MBD5: variants seen among roughly 807,000 people sequenced by gnomAD.
MBD5 encodes methyl-CpG binding domain protein 5.
In MBD5, 13 loss-of-function variants were observed where a neutral mutation model predicts 117.3. The ratio of observed to expected loss-of-function variants is 0.11; its 90% CI spans 0.07 to 0.18. The LOEUF (loss-of-function observed/expected upper bound fraction) is 0.18. MBD5 is among the 10% of genes least tolerant of loss of function. The pLI, the probability that MBD5 is intolerant of heterozygous loss-of-function variation, is 1.00. For missense variants in MBD5, 1,879 were observed against 2,093.8 expected (o/e 0.90, Z 2.00); for synonymous variants, 727 against 766.4 (o/e 0.95, Z 0.85).
chr2:148,354,143 A>G (rs894132772), intron 4 of MBD5, among the ~76,000 whole-genome samples: 3 of 152,180 alleles, frequency 2.0e-5, no homozygotes, highest in Non-Finnish European at 4.4e-5. Flanking sequence ...TGTGCAGAAC[A>G]TGCAGATATG....
rs111860012 is a variant in MBD5 at position 148,274,804 on chromosome 2, C to A, written c.-680+41409C>A. Among the ~76,000 whole-genome samples the A allele has an allele frequency of 6.2e-3, 927 of 150,638 alleles. 10 individuals are homozygous for A. Among genetic ancestry groups the A allele is most frequent in the African/African-American group, 0.021 (868 of 41,080 alleles). On this transcript the variant is annotated intron_variant, in intron 3 of 13. Coordinates refer to ENST00000642680, the MANE Select transcript of MBD5 (RefSeq NM_001378120.1). The stretch of plus-strand genomic sequence containing the variant: ...ATGGCACGATCTCAGCTCACTGCAA[C>A]CTCCGCCTTCTGGGTTTAAGCAATT...
intron 3 of MBD5, among the ~76,000 whole-genome samples, chr2:148,256,680 G>A (rs1182176149): frequency 6.6e-6 from 1 of 152,236 alleles, no homozygotes; most frequent in Non-Finnish European, 1.5e-5. Flanking sequence ...GACTGCAACA[G>A]CGGTCCAAGC....
chr2:148,260,964 G>A (rs1476555902), intron 3 of MBD5, among the ~76,000 whole-genome samples: 2 of 152,178 alleles, frequency 1.3e-5, no homozygotes, highest in Admixed American at 6.5e-5. Context: ...GCTCTTGGAT[G>A]GCTAGGTGCA....
At chr2:148,372,625 T>C (rs1012275355) in intron 4 of MBD5, among the ~76,000 whole-genome samples, 1 of 151,910 alleles carries the variant, frequency 6.6e-6, no homozygotes, top group Admixed American at 6.6e-5. Flanking sequence ...AAGATAGTAG[T>C]GGTGAATTTG....
intron 1 of MBD5, chr2:148,025,935 A>G (rs931649288): frequency 2.0e-5 from 3 of 152,222 alleles, no homozygotes; most frequent in African/African-American, 7.2e-5. Context: ...TTTCAAAAAC[A>G]AAGAATCTTA....
At chr2:148,400,860 G>A (rs1342755867) in intron 4 of MBD5, among the ~76,000 whole-genome samples, 1 of 151,972 alleles carries the variant, frequency 6.6e-6, no homozygotes, top group East Asian at 1.9e-4. Flanking sequence ...TTCTACTTCT[G>A]CATTCATTCT....
intron 2 of MBD5, among the ~76,000 whole-genome samples, chr2:148,188,862 G>T (rs1376089465): frequency 1.3e-5 from 2 of 151,786 alleles, no homozygotes; most frequent in Non-Finnish European, 2.9e-5. Flanking sequence ...CATCTCACTA[G>T]GGAGTGCCAG....
At chr2:148,235,731 A>AT (rs1341974039) in intron 3 of MBD5, among the ~76,000 whole-genome samples, 1 of 151,678 alleles carries the variant, frequency 6.6e-6, no homozygotes, top group African/African-American at 2.4e-5. Context: ...TCAGTGTGTA[A>AT]TTGCATCATG....
At position 148,467,788 on chromosome 2, in the gene MBD5, C is replaced by T. The variant is rs183332190; in HGVS notation, c.398-553C>T. 1.1e-4 allele frequency among the ~76,000 whole-genome samples: 17 copies of T among 152,186 alleles called. No homozygotes were observed. In the South Asian group the frequency reaches 1.5e-3, roughly 13 times the overall value. The stretch of plus-strand genomic sequence containing the variant: ...AAAATGTTGGGATAAGGAAATATTA[C>T]GGTATCTGTTCTGAGAAGGTTGCAG... On this transcript the variant is annotated intron_variant, in intron 7 of 13. Coordinates refer to ENST00000642680, the MANE Select transcript of MBD5 (RefSeq NM_001378120.1).
At chr2:148,445,999 T>A (rs1559074601) in intron 4 of MBD5, among the ~76,000 whole-genome samples, 2 of 151,188 alleles carry the variant, frequency 1.3e-5, no homozygotes, top group South Asian at 4.1e-4. Context: ...TTCTTGTAAA[T>A]TTGTTTGAGT....
At chr2:148,475,390 G>A (rs1017969682) in intron 8 of MBD5, among the ~76,000 whole-genome samples, 10 of 151,776 alleles carry the variant, frequency 6.6e-5, no homozygotes, top group African/African-American at 2.2e-4. Context: ...TGTTTAAGAA[G>A]GTCTCCTAAT....
chr2:148,330,419 A>G (rs1168027886), intron 3 of MBD5: 1 of 152,218 alleles, frequency 6.6e-6, no homozygotes, highest in African/African-American at 2.4e-5. Flanking sequence ...GTAGCAGGAA[A>G]GAATGGTGAG....
chr2:148,266,951 T>C (rs1346706589), intron 3 of MBD5, among the ~76,000 whole-genome samples: 2 of 152,144 alleles, frequency 1.3e-5, no homozygotes, highest in African/African-American at 2.4e-5. Context: ...CAGATACTTA[T>C]TAAGTGATTA....
At chr2:148,260,158 G>A (rs964675907) in intron 3 of MBD5, among the ~76,000 whole-genome samples, 1 of 152,144 alleles carries the variant, frequency 6.6e-6, no homozygotes, top group African/African-American at 2.4e-5. Context: ...TAGAATTTTA[G>A]CCACAGTAGA....
intron 3 of MBD5, among the ~76,000 whole-genome samples, chr2:148,233,808 A>G (rs1323991748): frequency 1.3e-5 from 2 of 152,182 alleles, no homozygotes; most frequent in Non-Finnish European, 2.9e-5. Context: ...TGAGTTTTAT[A>G]TAGTTAAAGG....
intron 1 of MBD5, among the ~76,000 whole-genome samples, chr2:148,139,138 T>C (rs1697244851): frequency 6.6e-6 from 1 of 152,214 alleles, no homozygotes; most frequent in Admixed American, 6.5e-5. Context: ...ATACAGAGAC[T>C]GGGCTCAGAG....
intron 3 of MBD5, among the ~76,000 whole-genome samples, chr2:148,246,763 C>CAAAAAAA (rs71406014): frequency 1.4e-5 from 1 of 70,120 alleles, no homozygotes; most frequent in Non-Finnish European, 2.5e-5. Context: ...GACTCCATCT[C>CAAAAAAA]AAAAAAAAAA....
chr2:148,060,368 G>T (rs553234964), intron 1 of MBD5, among the ~76,000 whole-genome samples: 1 of 151,112 alleles, frequency 6.6e-6, no homozygotes, highest in East Asian at 1.9e-4. Flanking sequence ...TCTTTTAATT[G>T]TATGTTTTGT....
chr2:148,054,203 A>C (rs770475910), intron 1 of MBD5, among the ~76,000 whole-genome samples: 8 of 152,132 alleles, frequency 5.3e-5, no homozygotes, highest in Non-Finnish European at 1.0e-4. Flanking sequence ...CACTGTGCCC[A>C]GCGTGATCCA....
Sources: allele counts gnomAD v4.1 joint callset (sites outside exome capture counted in the v4.1 genomes callset), GRCh38; gene constraint gnomAD v4.1.1; transcripts MANE v1.5; gene names NCBI Gene and HGNC (gene_info 2026-07-23, HGNC 2026-07-21).